FBXL7: variants seen among roughly 807,000 people sequenced by gnomAD.
FBXL7 encodes F-box/LRR-repeat protein 7.
In FBXL7, 12 loss-of-function variants were observed where a neutral mutation model predicts 38.3. That is an observed-to-expected ratio of 0.31 (90% CI 0.20 to 0.51). The LOEUF (loss-of-function observed/expected upper bound fraction) is 0.51, where lower values mean the gene tolerates loss of function less well. Among genes scored for constraint, FBXL7 ranks in the 20% least tolerant of loss-of-function variants. FBXL7 has a pLI of 0.98. For missense variants in FBXL7, 567 were observed against 676.4 expected (o/e 0.84, Z 1.79); for synonymous variants, 297 against 300.9 (o/e 0.99, Z 0.13).
At chr5:15,634,200 A>G (rs757673496) in intron 2 of FBXL7, among the ~76,000 whole-genome samples, 10 of 152,154 alleles carry the variant, frequency 6.6e-5, no homozygotes, top group Non-Finnish European at 1.3e-4. Context: ...GGAATTAGCA[A>G]GGTAATATTT....
intron 2 of FBXL7, among the ~76,000 whole-genome samples, chr5:15,676,821 C>A (rs181615732): frequency 6.6e-6 from 1 of 152,102 alleles, no homozygotes; most frequent in Non-Finnish European, 1.5e-5. Flanking sequence ...CACTCATGAA[C>A]GTGTCCCCAA....
chr5:15,819,621 A>G (rs1006810682), intron 2 of FBXL7, among the ~76,000 whole-genome samples: 6 of 152,188 alleles, frequency 3.9e-5, no homozygotes, highest in Admixed American at 6.5e-5. Flanking sequence ...GTAAAAGACA[A>G]TATATTTCTT....
chr5:15,604,987 TCTC>T (rs559931756), intron 1 of FBXL7, among the ~76,000 whole-genome samples: 77 of 152,264 alleles, frequency 5.1e-4, no homozygotes, highest in African/African-American at 1.8e-3. Context: ...ATTTGTGACA[TCTC>T]CTGCTTTGCT....
At chr5:15,598,709 A>G (rs1355099698) in intron 1 of FBXL7, among the ~76,000 whole-genome samples, 1 of 152,140 alleles carries the variant, frequency 6.6e-6, no homozygotes, top group Non-Finnish European at 1.5e-5. Context: ...GAGAGAGAGA[A>G]AGAGAGCACG....
Position 15,937,205 on chromosome 5 carries a change from G to C in FBXL7, c.*19G>C, listed in dbSNP as rs1315311166. ...CTTCTGAAGGGACAGAGTTCATCCG[G>C]CGTTGTATTCACACAAACCTGAACA... On this transcript the variant is annotated 3_prime_UTR_variant, in exon 4 of 4. Transcript: ENST00000504595. 6.4e-7 allele frequency: 1 copy of C among 1,556,894 alleles called. No individual in the cohort carries two copies. The highest frequency in any genetic ancestry group is 1.8e-5 in the Admixed American group (1 of 54,788).
rs970545688 is a variant in FBXL7, at chr5:15,668,177, A to C, written c.127+52105A>C. Reference sequence around the variant, plus strand: ...ATTCTAACTCCTTAGTTAGGCACAAATGCCCTTCTCACTCTCAGCTCCACT... The same window carrying C: ...ATTCTAACTCCTTAGTTAGGCACAACTGCCCTTCTCACTCTCAGCTCCACT... On this transcript the variant is annotated intron_variant, in intron 2 of 3. Coordinates refer to ENST00000504595, the MANE Select transcript of FBXL7 (RefSeq NM_012304.5). 6.6e-5 allele frequency among the ~76,000 whole-genome samples: 10 copies of C among 152,284 alleles called. No individual in the cohort carries two copies. In the South Asian group the frequency reaches 2.1e-3, roughly 32 times the overall value.
chr5:15,577,413 A>C lies in FBXL7; in HGVS notation c.38-38570A>C, dbSNP rs1479784252. 2.6e-5 allele frequency among the ~76,000 whole-genome samples: 4 copies of C among 152,316 alleles called. 1 individual carries two copies. The South Asian group carries it at 8.3e-4, about 32-fold the overall frequency. On this transcript the variant is annotated intron_variant, in intron 1 of 3. Coordinates refer to ENST00000504595, the MANE Select transcript of FBXL7 (RefSeq NM_012304.5). The stretch of plus-strand genomic sequence containing the variant: ...TATCAGAGAAGTCAGGTAATTATGG[A>C]AAGTGTCTATGTGACAGAGAGTGAC...
chr5:15,921,301 A>G (rs576769569), intron 2 of FBXL7, among the ~76,000 whole-genome samples: 1 of 150,768 alleles, frequency 6.6e-6, no homozygotes, highest in East Asian at 2.0e-4. Flanking sequence ...GAATCACTTC[A>G]GCTGGGAAGG....
At chr5:15,805,363 A>G (rs1737681407) in intron 2 of FBXL7, among the ~76,000 whole-genome samples, 1 of 152,140 alleles carries the variant, frequency 6.6e-6, no homozygotes, top group African/African-American at 2.4e-5. Flanking sequence ...CCTCTTTTAT[A>G]TCCTCAAATT....
intron 2 of FBXL7, among the ~76,000 whole-genome samples, chr5:15,674,342 A>G (rs1742582474): frequency 6.6e-6 from 1 of 152,224 alleles, no homozygotes; most frequent in Non-Finnish European, 1.5e-5. Flanking sequence ...TAGATGTATG[A>G]TGAAGTTTCA....
chr5:15,847,037 A>C (rs952827834), intron 2 of FBXL7, among the ~76,000 whole-genome samples: 3 of 152,218 alleles, frequency 2.0e-5, no homozygotes, highest in African/African-American at 7.2e-5. Flanking sequence ...TGGTGAACTC[A>C]TAATTATCCC....
chr5:15,644,933 T>A (rs1394448702), intron 2 of FBXL7, among the ~76,000 whole-genome samples: 1 of 152,102 alleles, frequency 6.6e-6, no homozygotes, highest in Non-Finnish European at 1.5e-5. Flanking sequence ...TCCCTGCAGA[T>A]CTGCAGCACC....
At chr5:15,540,243 A>G (rs576535733) in intron 1 of FBXL7, among the ~76,000 whole-genome samples, 3 of 152,338 alleles carry the variant, frequency 2.0e-5, no homozygotes, top group South Asian at 2.1e-4. Context: ...ATTCTTTTGT[A>G]GTACAATTTG....
intron 2 of FBXL7, among the ~76,000 whole-genome samples, chr5:15,873,736 T>A (rs938615903): frequency 1.3e-5 from 2 of 152,156 alleles, no homozygotes; most frequent in Non-Finnish European, 2.9e-5. Context: ...AATCCCTGAC[T>A]AGACCAATAA....
At chr5:15,564,838 A>G (rs1738520075) in intron 1 of FBXL7, among the ~76,000 whole-genome samples, 1 of 152,088 alleles carries the variant, frequency 6.6e-6, no homozygotes, top group Non-Finnish European at 1.5e-5. Context: ...GAGGTTTGCT[A>G]TTTTGGCTCC....
intron 1 of FBXL7, among the ~76,000 whole-genome samples, chr5:15,551,893 A>G (rs1738083760): frequency 6.6e-6 from 1 of 152,174 alleles, no homozygotes; most frequent in Non-Finnish European, 1.5e-5. Context: ...TTTCTTGTAA[A>G]GAGTCCCTTT....
At chr5:15,844,146 CT>C (rs1362262842) in intron 2 of FBXL7, among the ~76,000 whole-genome samples, 4 of 152,152 alleles carry the variant, frequency 2.6e-5, no homozygotes, top group African/African-American at 9.7e-5. Context: ...ATTTGGATGT[CT>C]GCTTTTTTAG....
At chr5:15,868,174 G>C (rs1739801944) in intron 2 of FBXL7, among the ~76,000 whole-genome samples, 1 of 151,686 alleles carries the variant, frequency 6.6e-6, no homozygotes, top group African/African-American at 2.4e-5. Context: ...TCTAGAATCA[G>C]GGAGCAGCCC....
At chr5:15,897,798 G>A (rs1373530212) in intron 2 of FBXL7, among the ~76,000 whole-genome samples, 3 of 151,882 alleles carry the variant, frequency 2.0e-5, no homozygotes, top group African/African-American at 7.3e-5. Flanking sequence ...GAATTCAGCA[G>A]GCAATGCAAG....
Sources: gnomAD v4.1 joint callset for allele counts (sites outside exome capture counted in the v4.1 genomes callset) on GRCh38, gnomAD v4.1.1 for gene constraint, MANE v1.5 for transcripts, NCBI Gene and HGNC (gene_info 2026-07-23, HGNC 2026-07-21) for gene names.